PDGFD: variants seen among roughly 807,000 people sequenced by gnomAD.
PDGFD encodes platelet derived growth factor D.
In PDGFD, 30 loss-of-function variants were observed where a neutral mutation model predicts 44.7. The observed-to-expected ratio is 0.67, with a 90% CI of 0.50 to 0.91. The LOEUF (loss-of-function observed/expected upper bound fraction) is 0.91. Among genes scored for constraint, PDGFD ranks in the 40% least tolerant of loss-of-function variants. The pLI, the probability that PDGFD is intolerant of heterozygous loss-of-function variation, is 0.00. For synonymous variants in PDGFD, 173 were observed against 168.4 expected (o/e 1.03, Z -0.21); for missense variants, 445 against 457.8 (o/e 0.97, Z 0.25).
intron 1 of PDGFD, among the ~76,000 whole-genome samples, chr11:104,104,533 C>T (rs1479741104): frequency 2.6e-5 from 4 of 152,022 alleles, no homozygotes; most frequent in African/African-American, 4.8e-5. Context: ...TACACAAATA[C>T]ATAACATTGT....
chr11:104,033,911 C>A (rs1860171744), intron 1 of PDGFD, among the ~76,000 whole-genome samples: 1 of 152,100 alleles, frequency 6.6e-6, no homozygotes, highest in Admixed American at 6.5e-5. Context: ...GTCAAAGGGT[C>A]ATTCATTCAT....
chr11:103,969,237 T>C (rs1188129923), intron 3 of PDGFD, among the ~76,000 whole-genome samples: 2 of 152,162 alleles, frequency 1.3e-5, no homozygotes, highest in Non-Finnish European at 2.9e-5. Flanking sequence ...TTAATGAAGA[T>C]CTATTATTAG....
At chr11:104,139,256 T>C (rs1862050862) in intron 1 of PDGFD, among the ~76,000 whole-genome samples, 1 of 152,174 alleles carries the variant, frequency 6.6e-6, no homozygotes, top group Non-Finnish European at 1.5e-5. Context: ...AACTGATTCC[T>C]AATGCAGGAA....
At chr11:104,008,608 C>A (rs1859737887) in intron 1 of PDGFD, among the ~76,000 whole-genome samples, 3 of 152,182 alleles carry the variant, frequency 2.0e-5, no homozygotes, top group African/African-American at 7.2e-5. Context: ...CTATCTTTTG[C>A]TCCCTTTAAA....
At chr11:103,916,057 A>G (rs1410810002) in intron 6 of PDGFD, among the ~76,000 whole-genome samples, 4 of 152,218 alleles carry the variant, frequency 2.6e-5, no homozygotes, top group African/African-American at 4.8e-5. Flanking sequence ...TAAAACACCA[A>G]AAGCAATGGC....
At chr11:104,118,816 T>A (rs867584776) in intron 1 of PDGFD, among the ~76,000 whole-genome samples, 29 of 43,664 alleles carry the variant, frequency 6.6e-4, no homozygotes, top group East Asian at 1.3e-3. Context: ...TATAATATAT[T>A]ATATATTATA....
At chr11:103,967,734 A>C (rs1305717158) in intron 3 of PDGFD, among the ~76,000 whole-genome samples, 1 of 152,130 alleles carries the variant, frequency 6.6e-6, no homozygotes, top group Non-Finnish European at 1.5e-5. Context: ...TTACAAACCC[A>C]ATAAACTGTG....
intron 3 of PDGFD, among the ~76,000 whole-genome samples, chr11:103,966,920 C>T (rs1289212335): frequency 6.6e-6 from 1 of 152,130 alleles, no homozygotes; most frequent in East Asian, 1.9e-4. Context: ...CAGTGCTTCC[C>T]CTGAGGCCTA....
chr11:104,144,507 C>CAACAAAAAAAA (rs1862133345), intron 1 of PDGFD, among the ~76,000 whole-genome samples: 1 of 73,820 alleles, frequency 1.4e-5, no homozygotes, highest in East Asian at 3.5e-4. Context: ...ACTCCGTCAC[C>CAACAAAAAAAA]AAAAAAAAAA....
At chr11:103,983,588 G>C (rs930373399) in intron 3 of PDGFD, among the ~76,000 whole-genome samples, 3 of 151,752 alleles carry the variant, frequency 2.0e-5, no homozygotes, top group African/African-American at 7.3e-5. Context: ...TAAAACTAAA[G>C]AGCTTCTGCA....
intron 1 of PDGFD, among the ~76,000 whole-genome samples, chr11:104,156,254 G>A (rs1862306405): frequency 6.6e-6 from 1 of 152,142 alleles, no homozygotes; most frequent in Admixed American, 6.5e-5. Context: ...TTGTGGAAGG[G>A]TGAGGTGGTG....
At chr11:104,161,824 T>G (rs901226207) in intron 1 of PDGFD, among the ~76,000 whole-genome samples, 4 of 152,186 alleles carry the variant, frequency 2.6e-5, no homozygotes, top group Non-Finnish European at 4.4e-5. Flanking sequence ...ATTATGAATA[T>G]TAACATTTTT....
At chr11:104,040,739 C>A (rs1303028800) in intron 1 of PDGFD, among the ~76,000 whole-genome samples, 1 of 151,950 alleles carries the variant, frequency 6.6e-6, no homozygotes, top group South Asian at 2.1e-4. Context: ...CAACAAACTA[C>A]ATTTTACATT....
At chr11:103,962,946 T>G (rs1030080024) in intron 3 of PDGFD, among the ~76,000 whole-genome samples, 5 of 152,130 alleles carry the variant, frequency 3.3e-5, no homozygotes, top group Non-Finnish European at 5.9e-5. Context: ...AAATCACCTG[T>G]TACAAATTCT....
At chr11:104,083,283 T>C (rs1239847913) in intron 1 of PDGFD, among the ~76,000 whole-genome samples, 2 of 152,160 alleles carry the variant, frequency 1.3e-5, no homozygotes, top group Non-Finnish European at 2.9e-5. Flanking sequence ...AAACAAAACT[T>C]TGATCCGCCC....
intron 1 of PDGFD, among the ~76,000 whole-genome samples, chr11:104,084,717 T>C (rs1308817917): frequency 1.6e-5 from 2 of 128,270 alleles, no homozygotes; most frequent in East Asian, 2.0e-4. Flanking sequence ...TAATAAAGTA[T>C]ACATATATAA....
intron 1 of PDGFD, among the ~76,000 whole-genome samples, chr11:104,129,662 T>C (rs1861888427): frequency 6.6e-6 from 1 of 152,274 alleles, no homozygotes; most frequent in South Asian, 2.1e-4. Flanking sequence ...TCAAGTTAAA[T>C]ACTGTAATCA....
At position 104,146,993 on chromosome 11, in the gene PDGFD, G is replaced by A. The variant is rs140873678; in HGVS notation, c.124+16811C>T. Among the ~76,000 whole-genome samples the A allele has an allele frequency of 1.1e-3, 161 of 145,726 alleles. 1 individual carries two copies. Among genetic ancestry groups the A allele is most frequent in the African/African-American group, 3.5e-3 (140 of 39,506 alleles). On this transcript the variant is annotated intron_variant, in intron 1 of 6. Transcript: ENST00000393158. ...GTGAGCTTGGTACACACCAGGCACC[G>A]GGGCATACTAAAAAAAAAAAAAAAA...
chr11:103,986,901 T>G (rs151172276), intron 3 of PDGFD, among the ~76,000 whole-genome samples: 1 of 152,308 alleles, frequency 6.6e-6, no homozygotes, highest in Non-Finnish European at 1.5e-5. Flanking sequence ...TTAAGATATT[T>G]TGCAGAACCT....
Sources: gnomAD v4.1 joint callset for allele counts (sites outside exome capture counted in the v4.1 genomes callset) on GRCh38, gnomAD v4.1.1 for gene constraint, MANE v1.5 for transcripts, NCBI Gene and HGNC (gene_info 2026-07-23, HGNC 2026-07-21) for gene names.